The following REELD1 variants were observed in gnomAD, a reference collection of about 807,000 sequenced individuals.
REELD1 encodes the protein reeler domain containing 1.
REELD1 carries 12 observed loss-of-function variants against 6.3 expected under a neutral mutation model. The ratio of observed to expected loss-of-function variants is 1.89; its 90% confidence interval spans 1.21 to 3.07. The LOEUF (loss-of-function observed/expected upper bound fraction) is 3.07, where lower values mean the gene tolerates loss of function less well. REELD1 is among the 30% of genes most tolerant of loss of function. The pLI, the probability that REELD1 is intolerant of heterozygous loss-of-function variation, is 0.00. For synonymous variants in REELD1, 57 were observed against 33.6 expected (o/e 1.70, Z -2.42); for missense variants, 163 against 86.8 (o/e 1.88, Z -3.49).
At chr4:146,224,133 G>T (rs1301499129) in intron 4 of REELD1, among the ~76,000 whole-genome samples, 2 of 152,142 alleles carry the variant, frequency 1.3e-5, no homozygotes, top group Non-Finnish European at 2.9e-5. Flanking sequence ...CCTTTTATTG[G>T]AGTCTAAACA....
At chr4:146,224,054 T>C (rs1730975041) in intron 4 of REELD1, among the ~76,000 whole-genome samples, 1 of 152,224 alleles carries the variant, frequency 6.6e-6, no homozygotes, top group African/African-American at 2.4e-5. Context: ...TACAACAGAA[T>C]TATAAGATCT....
At chr4:146,223,048 A>C (rs1409634210) in intron 4 of REELD1, among the ~76,000 whole-genome samples, 1 of 152,184 alleles carries the variant, frequency 6.6e-6, no homozygotes, top group Non-Finnish European at 1.5e-5. Flanking sequence ...TTGTATATGG[A>C]TGAGAGAGCC....
rs533020815 is a variant in REELD1, at chr4:146,230,401, A to G, written c.1469A>G (p.Asn490Ser). 4.9e-4 allele frequency: 195 copies of G among 398,740 alleles called. No homozygotes were observed. Among genetic ancestry groups the G allele is most frequent in the African/African-American group, 3.5e-3 (172 of 48,766 alleles). 24.7% of individuals were successfully genotyped at this position (398,740 alleles called of 1,614,324 possible). The change falls in exon 8 of 8, where the codon AAC becomes AGC. Residue 490 changes from asparagine to serine, a missense_variant. Physicochemically the swap from Asn to Ser is conservative, Grantham distance 46. Coordinates refer to ENST00000623665, the MANE Select transcript of REELD1 (RefSeq NM_001354631.1). Reference sequence around the variant, plus strand: ...GCTTCGGATGCTGTTGCCAGGAGCAACAGTGGTGAGACTGTGCACGTCAGG... The same window carrying G: ...GCTTCGGATGCTGTTGCCAGGAGCAGCAGTGGTGAGACTGTGCACGTCAGG... The part of the protein sequence containing the change: ...EPASDAVARS[N>S]SGETVHVRKI...
Position 146,228,410 on chromosome 4 carries a change from G to GC in REELD1, c.796_797insC (p.Asp266AlafsTer34), listed in dbSNP as rs542865508. ...CAGCATCAACCAGCAACCCAGCGGGGACAGCAATCCCACCCTAGAGCCGTC... is the reference window on the plus strand; with the variant it reads ...CAGCATCAACCAGCAACCCAGCGGGGCACAGCAATCCCACCCTAGAGCCGTC... On this transcript the variant is annotated frameshift_variant, in exon 6 of 8. Transcript: ENST00000623665. LOFTEE classifies it high-confidence loss of function. The GC allele has an allele frequency of 4.6e-4, 322 of 702,588 alleles. 2 individuals are homozygous for GC. In the East Asian group the frequency reaches 8.2e-3, roughly 18 times the overall value. 43.5% of individuals were successfully genotyped at this position (702,588 alleles called of 1,614,324 possible).
rs766377651 is a variant in REELD1 at position 146,230,104 on chromosome 4, C to T, written c.1172C>T (p.Ser391Phe). 2 of 398,784 alleles carry T rather than the reference C, an allele frequency of 5.0e-6. No homozygotes were observed. Among genetic ancestry groups the T allele is most frequent in the African/African-American group, 2.1e-5 (1 of 48,640 alleles). 24.7% of individuals were successfully genotyped at this position (398,784 alleles called of 1,614,324 possible). A position where few individuals can be genotyped will look rare whatever the true frequency, so the allele number is the denominator to read the frequency against. ...GACCAGTCAGAGGCATCCAGGGCCTCTGCCAGCTTCTTACCTCAGTCAAAG... is the reference window on the plus strand; with the variant it reads ...GACCAGTCAGAGGCATCCAGGGCCTTTGCCAGCTTCTTACCTCAGTCAAAG... ...AGDQSEASRA[S>F]ASFLPQSKHK... The change falls in exon 8 of 8, where the codon TCT (serine) becomes TTT (phenylalanine). Residue 391 changes from serine to phenylalanine, a missense_variant. Physicochemically the swap from Ser to Phe is radical, Grantham distance 155 (BLOSUM62 -2). Coordinates refer to ENST00000623665, the MANE Select transcript of REELD1 (RefSeq NM_001354631.1).
At chr4:146,217,240 C>A in intron 3 of REELD1, 80 bp downstream of exon 3, 1 of 398,476 alleles carries the variant, frequency 2.5e-6, no homozygotes, top group South Asian at 1.3e-4. Flanking sequence ...TTGTCCCAGT[C>A]AGAAGCTTCC....
chr4:146,220,556 G>A (rs1391360878), intron 3 of REELD1, among the ~76,000 whole-genome samples: 2 of 152,140 alleles, frequency 1.3e-5, no homozygotes, highest in East Asian at 1.9e-4. Context: ...AAGATTTTTC[G>A]ATTTTCCTGC....
At chr4:146,227,381 A>G (rs1401546414) in intron 5 of REELD1, among the ~76,000 whole-genome samples, 2 of 152,184 alleles carry the variant, frequency 1.3e-5, no homozygotes, top group Non-Finnish European at 2.9e-5. Flanking sequence ...TGGCCAGAGA[A>G]ACTTCTGCCA....
chr4:146,218,189 T>A (rs1307794574), intron 3 of REELD1, among the ~76,000 whole-genome samples: 1 of 152,216 alleles, frequency 6.6e-6, no homozygotes, highest in Non-Finnish European at 1.5e-5. Flanking sequence ...GAAACACCTC[T>A]GAATCATCTC....
intron 5 of REELD1, among the ~76,000 whole-genome samples, chr4:146,225,569 T>A (rs1283125360): frequency 6.6e-6 from 1 of 151,940 alleles, no homozygotes; most frequent in Non-Finnish European, 1.5e-5. Context: ...ACCAAGACAC[T>A]CCTAAAAGCA....
In REELD1 at chr4:146,230,717, T is replaced by C. The variant is rs1472987301; in HGVS notation, c.*204T>C. On this transcript the variant is annotated 3_prime_UTR_variant, in exon 8 of 8. Coordinates refer to ENST00000623665, the MANE Select transcript of REELD1 (RefSeq NM_001354631.1). ...AGCTTTGTTGTCTTAACATCTGTAATTGGGCTTCCTTCTTTCTTTTTGCAA... is the reference window on the plus strand; with the variant it reads ...AGCTTTGTTGTCTTAACATCTGTAACTGGGCTTCCTTCTTTCTTTTTGCAA... The C allele has an allele frequency of 2.6e-6, 1 of 378,588 alleles. No individual in the cohort carries two copies. Among genetic ancestry groups the C allele is most frequent in the Non-Finnish European group, 4.7e-6 (1 of 213,420 alleles). 23.5% of individuals were successfully genotyped at this position (378,588 alleles called of 1,614,324 possible).
Position 146,223,955 on chromosome 4 carries a change from G to A in REELD1, c.432-490G>A, listed in dbSNP as rs116171691. Among the ~76,000 whole-genome samples the A allele has an allele frequency of 3.2e-3, 492 of 152,314 alleles. 5 individuals are homozygous for A. Among genetic ancestry groups the A allele is most frequent in the African/African-American group, 0.011 (440 of 41,566 alleles). On this transcript the variant is annotated intron_variant, in intron 4 of 7. Transcript: ENST00000623665. ...GTTTGTGAATGTGATTTTTACTGAA[G>A]AATTGCTTTTCAAAAAATTATTTAG...
At chr4:146,216,816 A>T (rs1484708393) in intron 2 of REELD1, 126 bp from the exon 3 acceptor site, 2 of 397,262 alleles carry the variant, frequency 5.0e-6, no homozygotes, top group African/African-American at 4.1e-5. Context: ...CAATCCTGGG[A>T]GGCTGCACTA....
rs1340559832 is a variant in REELD1, at chr4:146,230,513, A to G, written c.1581A>G (p.Ter527TrpextTer82). 2 of 398,578 alleles carry G rather than the reference A, an allele frequency of 5.0e-6. No individual in the cohort carries two copies. Among genetic ancestry groups the G allele is most frequent in the African/African-American group, 2.1e-5 (1 of 48,648 alleles). 24.7% of individuals were successfully genotyped at this position (398,578 alleles called of 1,614,324 possible). ...PSVGSKKTVL[*>W] ...TGGGTAGCAAGAAAACAGTCCTCTG[A>G]GAAGACTGTCACCCCAGACCTCTCA... Residue 527 changes from the stop codon to tryptophan, a stop_lost, in exon 8 of 8, where the codon TGA (stop) becomes TGG (tryptophan). Coordinates refer to ENST00000623665, the MANE Select transcript of REELD1 (RefSeq NM_001354631.1).
intron 4 of REELD1, among the ~76,000 whole-genome samples, chr4:146,224,151 G>A (rs969615284): frequency 6.6e-6 from 1 of 152,108 alleles, no homozygotes; most frequent in African/African-American, 2.4e-5. Flanking sequence ...ACAGTTTGAG[G>A]AGATACTTTT....
chr4:146,228,292 C>T lies in REELD1; in HGVS notation c.678C>T (p.Asn226=). Residue 226 remains asparagine (N), a synonymous_variant, in exon 6 of 8, where the codon AAC becomes AAT. Coordinates refer to ENST00000623665, the MANE Select transcript of REELD1 (RefSeq NM_001354631.1). ...TTCCTGGAGCTGCAGAGGAGGACAA[C>T]CTAGATCCTGTTCCTGCCAGTATTT... ...VALPGAAEED[N]LDPVPASIWV... 1 of 702,572 alleles carries T rather than the reference C, an allele frequency of 1.4e-6. No individual in the cohort carries two copies. Among genetic ancestry groups the T allele is most frequent in the Non-Finnish European group, 2.6e-6 (1 of 385,002 alleles). 43.5% of individuals were successfully genotyped at this position (702,572 alleles called of 1,614,324 possible). A position where few individuals can be genotyped will look rare whatever the true frequency, so the allele number is the denominator to read the frequency against.
Position 146,229,067 on chromosome 4 carries a change from G to A in REELD1, c.951G>A (p.Leu317=). The change falls in exon 7 of 8, where the codon CTG becomes CTA. Residue 317 remains leucine, a synonymous_variant. Transcript: ENST00000623665. Reference sequence around the variant, plus strand: ...GCTTTGATTCACTGGAAACTTGCCTGTCCTCAGATGGGGGTGAACAGGTAA... The same window carrying A: ...GCTTTGATTCACTGGAAACTTGCCTATCCTCAGATGGGGGTGAACAGGTAA... ...DPSFDSLETC[L]SSDGGEQDKT... 5 of 702,362 alleles carry A rather than the reference G, an allele frequency of 7.1e-6. No homozygotes were observed. The highest frequency in any genetic ancestry group is 1.3e-5 in the Non-Finnish European group (5 of 384,890). The allele number at this position is 702,362 out of a possible 1,614,324, so 43.5% of individuals were successfully genotyped here. A position where few individuals can be genotyped will look rare whatever the true frequency, so the allele number is the denominator to read the frequency against.
intron 4 of REELD1, 24 bp from the exon 5 acceptor site, chr4:146,224,421 G>A: frequency 1.7e-6 from 1 of 599,724 alleles, no homozygotes; most frequent in Non-Finnish European, 3.0e-6. Context: ...TCCGTGAACT[G>A]CTCTGCTCTT....
chr4:146,224,678 A>G lies in REELD1; in HGVS notation c.595+70A>G, dbSNP rs114715236. ...TTTTACAGTTATCTATTTTCACTTA[A>G]AAGTTACTACTGCCAGTTTCCTGTT... is the stretch of plus-strand genomic sequence containing the variant. On this transcript the variant is annotated intron_variant, in intron 5 of 7. Coordinates refer to ENST00000623665, the MANE Select transcript of REELD1 (RefSeq NM_001354631.1). The G allele has an allele frequency of 1.8e-3, 1,193 of 677,364 alleles. 13 individuals carry two copies. The highest frequency in any genetic ancestry group is 0.018 in the African/African-American group (994 of 56,680). 42.0% of individuals were successfully genotyped at this position (677,364 alleles called of 1,614,324 possible).
Sources: allele counts gnomAD v4.1 joint callset (sites outside exome capture counted in the v4.1 genomes callset), GRCh38; gene constraint gnomAD v4.1.1; transcripts MANE v1.5; gene names NCBI Gene and HGNC (gene_info 2026-07-23, HGNC 2026-07-21).